The following CSE1L variants were observed in gnomAD, a reference collection of about 807,000 sequenced individuals.
CSE1L encodes the protein chromosome segregation 1 like.
CSE1L carries 24 observed loss-of-function variants against 120.4 expected under a neutral mutation model. The ratio of observed to expected loss-of-function variants is 0.20; its 90% CI spans 0.14 to 0.28. CSE1L has a LOEUF of 0.28. Among genes scored for constraint, CSE1L ranks in the 10% least tolerant of loss-of-function variants. CSE1L has a pLI of 1.00. For missense variants in CSE1L, 830 were observed against 1,145.2 expected (o/e 0.72, Z 3.97); for synonymous variants, 402 against 398.3 (o/e 1.01, Z -0.11).
At position 49,066,457 on chromosome 20, in the gene CSE1L, A is replaced by G; in HGVS notation, c.423A>G (p.Gly141=). Residue 141 remains glycine (G), a synonymous_variant, in exon 5 of 25, where the codon GGA becomes GGG. Coordinates refer to ENST00000262982, the MANE Select transcript of CSE1L (RefSeq NM_001316.4). Reference sequence around the variant, plus strand: ...AAATGGTGAATCGCTTTCAGAGTGGAGATTTCCATGTTATTAATGGAGTCC... The same window carrying G: ...AAATGGTGAATCGCTTTCAGAGTGGGGATTTCCATGTTATTAATGGAGTCC... ...LTEMVNRFQS[G]DFHVINGVLR... The G allele has an allele frequency of 6.2e-7, 1 of 1,614,164 alleles. No homozygotes were observed. The highest frequency in any genetic ancestry group is 8.5e-7 in the Non-Finnish European group (1 of 1,179,996).
chr20:49,087,633 G>A (rs1456989992), intron 16 of CSE1L, among the ~76,000 whole-genome samples: 1 of 152,116 alleles, frequency 6.6e-6, no homozygotes, highest in Non-Finnish European at 1.5e-5. Flanking sequence ...GGGGTTACAG[G>A]TGTGAGCCAC....
chr20:49,072,799 G>T, intron 10 of CSE1L, 102 bp downstream of exon 10: 1 of 1,152,576 alleles, frequency 8.7e-7, no homozygotes. Flanking sequence ...AAACTTGTAT[G>T]TCATTTATTT....
At position 49,053,347 on chromosome 20, in the gene CSE1L, CTTTTTTTTTTTTTTTT is replaced by C. The variant is rs11419181; in HGVS notation, c.-11-5093_-11-5078del. Among the ~76,000 whole-genome samples, 8 of 63,778 alleles carry C rather than the reference CTTTTTTTTTTTTTTTT, an allele frequency of 1.3e-4. No individual in the cohort carries two copies. In the Admixed American group the frequency reaches 1.4e-3, roughly 11 times the overall value. 41.8% of individuals were successfully genotyped at this position (63,778 alleles called of 152,430 possible). A position where few individuals can be genotyped will look rare whatever the true frequency, so the allele number is the denominator to read the frequency against. ...ATTTAACTTGACCACAGCAAACTAA[CTTTTTTTTTTTTTTTT>C]TTTTTTTTTTTTGAGACTGCGTTTC... On this transcript the variant is annotated intron_variant, in intron 1 of 24. Transcript: ENST00000262982.
intron 1 of CSE1L, among the ~76,000 whole-genome samples, chr20:49,055,440 G>C (rs75257715): frequency 5.9e-5 from 9 of 152,234 alleles, no homozygotes; most frequent in African/African-American, 2.2e-4. Context: ...AATGGGTCCC[G>C]GTATGGTGGG....
intron 2 of CSE1L, among the ~76,000 whole-genome samples, chr20:49,062,785 G>T (rs1004797717): frequency 6.6e-6 from 1 of 151,608 alleles, no homozygotes; most frequent in Non-Finnish European, 1.5e-5. Flanking sequence ...AATATATTAG[G>T]ATGAATTGAC....
chr20:49,094,050 A>G, intron 22 of CSE1L, 90 bp from the exon 23 acceptor site: 1 of 797,052 alleles, frequency 1.3e-6, no homozygotes, highest in East Asian at 2.8e-5. Flanking sequence ...GTAATTTATC[A>G]TATTCATAAG....
At chr20:49,080,256 T>G (rs1047440239) in intron 14 of CSE1L, among the ~76,000 whole-genome samples, 4 of 151,534 alleles carry the variant, frequency 2.6e-5, no homozygotes, top group African/African-American at 4.8e-5. Flanking sequence ...GTTTTGTTTT[T>G]TTTTATTTTT....
At chr20:49,074,101 C>T (rs1238906205) in intron 10 of CSE1L, among the ~76,000 whole-genome samples, 2 of 151,638 alleles carry the variant, frequency 1.3e-5, no homozygotes, top group East Asian at 2.0e-4. Context: ...GTCCCAGGTA[C>T]TCAAGCAGCT....
Position 49,085,267 on chromosome 20 carries a change from GT to G in CSE1L, c.1620-10del, listed in dbSNP as rs769304927. The G allele has an allele frequency of 6.2e-7, 1 of 1,609,496 alleles. No homozygotes were observed. The highest frequency in any genetic ancestry group is 2.2e-5 in the East Asian group (1 of 44,808). On this transcript the variant is annotated splice_polypyrimidine_tract_variant and intron_variant, in intron 15 of 24. Transcript: ENST00000262982. ...CAAGAGTTGGTAGTGACTGAAAGCT[GT>G]TTTTTCATCTATAGCTTTACAGCTG...
chr20:49,058,517 A>G lies in CSE1L; in HGVS notation c.54A>G (p.Thr18=), dbSNP rs750060417. 6.2e-7 allele frequency: 1 copy of G among 1,613,874 alleles called. No homozygotes were observed. The highest frequency in any genetic ancestry group is 1.7e-5 in the Admixed American group (1 of 60,016). Residue 18 remains threonine, a synonymous_variant, in exon 2 of 25, where the codon ACA becomes ACG. Coordinates refer to ENST00000262982, the MANE Select transcript of CSE1L (RefSeq NM_001316.4). ...CACTAACAGAATATTTAAAGAAAAC[A>G]CTTGATCCTGATCCTGCCATCCGAC... ...LQTLTEYLKK[T]LDPDPAIRRP...
At chr20:49,047,564 CTTTTTTTTT>C (rs59986218) in intron 1 of CSE1L, among the ~76,000 whole-genome samples, 2,373 of 69,884 alleles carry the variant, frequency 0.034, 76 homozygotes, top group African/African-American at 0.047. Flanking sequence ...TTTCTCTTTT[CTTTTTTTTT>C]TTTTTTTTTT....
chr20:49,070,905 G>A (rs1004503069), intron 8 of CSE1L, among the ~76,000 whole-genome samples: 17 of 152,228 alleles, frequency 1.1e-4, no homozygotes, highest in African/African-American at 4.1e-4. Flanking sequence ...CCATGCCACT[G>A]CACTCCAGCC....
intron 6 of CSE1L, among the ~76,000 whole-genome samples, chr20:49,068,262 C>G (rs1374797947): frequency 2.6e-5 from 4 of 152,044 alleles, no homozygotes; most frequent in Non-Finnish European, 2.9e-5. Context: ...ATACTTTAAC[C>G]TATTTTCCAC....
At chr20:49,077,734 G>A (rs911922060) in intron 13 of CSE1L, among the ~76,000 whole-genome samples, 5 of 152,056 alleles carry the variant, frequency 3.3e-5, no homozygotes, top group African/African-American at 9.7e-5. Flanking sequence ...GGCCGGGTGC[G>A]GTGGCTCACA....
At chr20:49,068,216 G>A (rs929408400) in intron 6 of CSE1L, among the ~76,000 whole-genome samples, 1 of 151,996 alleles carries the variant, frequency 6.6e-6, no homozygotes, top group Non-Finnish European at 1.5e-5. Context: ...ATTAACACTG[G>A]ACTTTTTAGT....
At chr20:49,056,576 G>T (rs577366147) in intron 1 of CSE1L, among the ~76,000 whole-genome samples, 1 of 151,948 alleles carries the variant, frequency 6.6e-6, no homozygotes, top group Non-Finnish European at 1.5e-5. Flanking sequence ...TAATTTTATC[G>T]TCTCACCAAC....
chr20:49,079,078 A>G (rs1223627083), intron 14 of CSE1L, among the ~76,000 whole-genome samples: 1 of 151,918 alleles, frequency 6.6e-6, no homozygotes, highest in Non-Finnish European at 1.5e-5. Context: ...TTTTCAGTAG[A>G]TCCGGGGTTT....
intron 14 of CSE1L, among the ~76,000 whole-genome samples, chr20:49,080,986 CTTCTT>C (rs1170289206): frequency 4.0e-5 from 5 of 124,160 alleles, no homozygotes; most frequent in Non-Finnish European, 8.4e-5. Flanking sequence ...TTTCTTTCTC[CTTCTT>C]TTTTTTTTTT....
At chr20:49,090,608 A>G (rs953436735) in intron 19 of CSE1L, 134 bp from the exon 20 acceptor site, 4 of 692,308 alleles carry the variant, frequency 5.8e-6, no homozygotes, top group African/African-American at 1.8e-5. Flanking sequence ...TGTTCCCCAT[A>G]TGTTTCAGAA....
Sources: allele counts gnomAD v4.1 joint callset (sites outside exome capture counted in the v4.1 genomes callset), GRCh38; gene constraint gnomAD v4.1.1; transcripts MANE v1.5; gene names NCBI Gene and HGNC (gene_info 2026-07-23, HGNC 2026-07-21).